Variants in DAAM1 observed in about 807,000 individuals in gnomAD.
The protein encoded by DAAM1 is disheveled-associated activator of morphogenesis 1.
DAAM1 carries 52 observed loss-of-function variants against 130.0 expected under a neutral mutation model. The observed-to-expected ratio is 0.40, with a 90% CI of 0.32 to 0.50. DAAM1 has a LOEUF of 0.50. Ranked by LOEUF, DAAM1 falls within the 20% of genes least tolerant of loss-of-function variation. DAAM1 has a pLI of 0.61. For synonymous variants in DAAM1, 452 were observed against 444.5 expected, an observed-to-expected ratio of 1.02 and a Z score of -0.21; for missense variants, 1,134 against 1,303.8, an observed-to-expected ratio of 0.87 and a Z score of 2.01.
At chr14:59,346,602 A>G (rs1010705818) in intron 16 of DAAM1, among the ~76,000 whole-genome samples, 1 of 152,154 alleles carries the variant, frequency 6.6e-6, no homozygotes, top group Non-Finnish European at 1.5e-5. Flanking sequence ...CCCCATTTCC[A>G]TCAAAGAAAA....
At chr14:59,253,336 G>GC (rs1343116124) in intron 1 of DAAM1, among the ~76,000 whole-genome samples, 1 of 152,206 alleles carries the variant, frequency 6.6e-6, no homozygotes, top group Non-Finnish European at 1.5e-5. Flanking sequence ...GAAAGCACAG[G>GC]CATCTTCGTG....
intron 1 of DAAM1, among the ~76,000 whole-genome samples, chr14:59,196,489 A>T (rs1274967013): frequency 2.0e-5 from 3 of 152,208 alleles, no homozygotes; most frequent in Non-Finnish European, 4.4e-5. Context: ...CACGCCTGTA[A>T]TCCCAGCACT....
intron 1 of DAAM1, among the ~76,000 whole-genome samples, chr14:59,248,988 C>T (rs1431055403): frequency 6.6e-6 from 1 of 152,172 alleles, no homozygotes; most frequent in Non-Finnish European, 1.5e-5. Context: ...GGGGTTTCAC[C>T]GTGTTAGCCA....
At chr14:59,341,406 C>T (rs1251014640) in intron 16 of DAAM1, among the ~76,000 whole-genome samples, 1 of 152,170 alleles carries the variant, frequency 6.6e-6, no homozygotes, top group Non-Finnish European at 1.5e-5. Flanking sequence ...AGTAGTCCCC[C>T]CCTTATCCAC....
chr14:59,348,150 C>T (rs557959239), intron 17 of DAAM1, among the ~76,000 whole-genome samples: 1 of 152,316 alleles, frequency 6.6e-6, no homozygotes, highest in South Asian at 2.1e-4. Context: ...TCTTAACCTC[C>T]GTACATTGTA....
intron 1 of DAAM1, among the ~76,000 whole-genome samples, chr14:59,192,775 C>T (rs191669664): frequency 6.6e-5 from 10 of 152,278 alleles, no homozygotes; most frequent in East Asian, 5.8e-4. Context: ...AAGTTTAGGC[C>T]GGGCGCGGTG....
intron 1 of DAAM1, 111 bp from the exon 2 acceptor site, chr14:59,263,330 G>T: frequency 1.2e-6 from 1 of 857,804 alleles, no homozygotes; most frequent in Non-Finnish European, 1.8e-6. Context: ...GCCCTGCAGG[G>T]CGCACACAGT....
At position 59,355,334 on chromosome 14, in the gene DAAM1, G is replaced by A; in HGVS notation, c.2525+1G>A. Reference sequence around the variant, plus strand: ...CTGACACAAAATCCAGCATCGACAAGTAAGTATGAGATCTTCCAACACTTG... The same window carrying A: ...CTGACACAAAATCCAGCATCGACAAATAAGTATGAGATCTTCCAACACTTG... On this transcript the variant is annotated splice_donor_variant, in intron 20 of 24. Coordinates refer to ENST00000360909, the MANE Select transcript of DAAM1 (RefSeq NM_001270520.2). LOFTEE classifies it high-confidence loss of function. 1 of 1,613,928 alleles carries A rather than the reference G, an allele frequency of 6.2e-7. No homozygotes were observed. Among genetic ancestry groups the A allele is most frequent in the Non-Finnish European group, 8.5e-7 (1 of 1,179,908 alleles).
chr14:59,189,059 G>C (rs1301417476), intron 1 of DAAM1, among the ~76,000 whole-genome samples: 4 of 152,220 alleles, frequency 2.6e-5, no homozygotes, highest in African/African-American at 9.6e-5. Context: ...AAGGACTGGG[G>C]TCCCTCCCTT....
intron 1 of DAAM1, among the ~76,000 whole-genome samples, chr14:59,242,133 A>G (rs1294467114): frequency 1.3e-5 from 2 of 152,200 alleles, no homozygotes; most frequent in African/African-American, 4.8e-5. Flanking sequence ...TACTAAGAGG[A>G]ACAGAGTTGG....
intron 2 of DAAM1, among the ~76,000 whole-genome samples, chr14:59,286,319 A>C (rs1465651835): frequency 6.6e-6 from 1 of 152,196 alleles, no homozygotes; most frequent in East Asian, 1.9e-4. Flanking sequence ...CTAAACACCT[A>C]CATCAAAAAG....
chr14:59,273,252 A>G (rs17833888), intron 2 of DAAM1, among the ~76,000 whole-genome samples: 9,969 of 152,300 alleles, frequency 0.065, 427 homozygotes, highest in Non-Finnish European at 0.098. Flanking sequence ...TACCAAGATC[A>G]TTCCAAATGT....
chr14:59,212,322 G>A (rs554395652), intron 1 of DAAM1, among the ~76,000 whole-genome samples: 1 of 152,230 alleles, frequency 6.6e-6, no homozygotes, highest in South Asian at 2.1e-4. Flanking sequence ...TTTTTAAATA[G>A]TATTAAATGA....
chr14:59,343,416 T>G (rs1431085497), intron 16 of DAAM1, among the ~76,000 whole-genome samples: 1 of 152,160 alleles, frequency 6.6e-6, no homozygotes, highest in African/African-American at 2.4e-5. Context: ...TGAATAGGAA[T>G]GTTTCTATGT....
At chr14:59,272,566 G>C (rs1449009848) in intron 2 of DAAM1, among the ~76,000 whole-genome samples, 1 of 151,278 alleles carries the variant, frequency 6.6e-6, no homozygotes, top group African/African-American at 2.4e-5. Context: ...AGCAGAGCAA[G>C]ACTGTCTCAA....
At chr14:59,248,511 A>G (rs927535488) in intron 1 of DAAM1, among the ~76,000 whole-genome samples, 12 of 152,082 alleles carry the variant, frequency 7.9e-5, no homozygotes, top group African/African-American at 2.7e-4. Context: ...ATGGAGAGGA[A>G]TCCCCAGTGA....
intron 15 of DAAM1, among the ~76,000 whole-genome samples, chr14:59,338,916 C>G (rs1294581110): frequency 6.6e-6 from 1 of 152,098 alleles, no homozygotes; most frequent in East Asian, 1.9e-4. Flanking sequence ...CTGAGCAAGC[C>G]AGATTGCAGT....
Position 59,324,449 on chromosome 14 carries a change from A to G in DAAM1, c.984A>G (p.Leu328=), listed in dbSNP as rs1185811093. The G allele has an allele frequency of 6.4e-7, 1 of 1,570,592 alleles. No homozygotes were observed. Among genetic ancestry groups the G allele is most frequent in the South Asian group, 1.2e-5 (1 of 81,948 alleles). Residue 328 remains leucine, a synonymous_variant, in exon 8 of 25, where the codon TTA becomes TTG. Coordinates refer to ENST00000360909, the MANE Select transcript of DAAM1 (RefSeq NM_001270520.2). ...TAAGGGAACACGAAAATTCAACATT[A>G]GATAGGTAAGTCAGACTATTATGAT... ...DKLREHENST[L]DRHLDFFEML...
chr14:59,313,187 G>A (rs1276083069), intron 3 of DAAM1, among the ~76,000 whole-genome samples: 4 of 152,210 alleles, frequency 2.6e-5, no homozygotes, highest in African/African-American at 9.7e-5. Flanking sequence ...TTTTGGTTCA[G>A]AGATGGGAGT....
Sources: gnomAD v4.1 joint callset for allele counts (sites outside exome capture counted in the v4.1 genomes callset) on GRCh38, gnomAD v4.1.1 for gene constraint, MANE v1.5 for transcripts, NCBI Gene and HGNC (gene_info 2026-07-23, HGNC 2026-07-21) for gene names.